Variants in NEB observed in about 807,000 individuals in gnomAD.
NEB encodes the protein nebulin, also known as nemaline myopathy type 2.
A neutral mutation model predicts 952.2 loss-of-function variants in NEB; 512 were observed. That is an observed-to-expected ratio of 0.54 (90% confidence interval 0.50 to 0.58). The LOEUF (loss-of-function observed/expected upper bound fraction) is 0.58. Ranked by LOEUF, NEB falls within the 20% of genes least tolerant of loss-of-function variation. The pLI is 0.00. For synonymous variants in NEB, 2,900 were observed against 3,149.8 expected (o/e 0.92, Z 2.66); for missense variants, 8,428 against 9,231.1 (o/e 0.91, Z 3.56).
At position 151,658,078 on chromosome 2, in the gene NEB, G is replaced by A. The variant is rs200251444; in HGVS notation, c.6088C>T (p.Leu2030Phe). The change falls in exon 48 of 182, where the codon CTT becomes TTT. Residue 2030 changes from leucine (L) to phenylalanine (F), a missense_variant. Physicochemically the swap from Leu to Phe is conservative, Grantham distance 22. This residue lies in a region of NEB where 2,851 missense variants were observed against 2,791.5 expected (regional missense o/e 1.02). Transcript: ENST00000397345. ...TTCTTTTTAGACTCTTCCAAGGAAA[G>A]TTTGTAGAGTTTCTGTAAAGAGAGG... ...AINMSDKLYK[L>F]SLEESKKKGY... 176 of 1,596,174 alleles carry A rather than the reference G, an allele frequency of 1.1e-4. No individual in the cohort carries two copies. The African/African-American group carries it at 2.1e-3, about 19-fold the overall frequency.
chr2:151,679,793 C>G lies in NEB; in HGVS notation c.3183G>C (p.Lys1061Asn), dbSNP rs2099401085. The change falls in exon 32 of 182, where the codon AAG becomes AAC. Residue 1061 changes from lysine to asparagine, a missense_variant. Lys to Asn is a moderately conservative substitution (Grantham distance 94). Around this residue, in one of 11 missense-constraint regions of NEB, gnomAD observed 2,851 missense variants for 2,791.5 expected, o/e 1.02. Coordinates refer to ENST00000397345, the MANE Select transcript of NEB (RefSeq NM_001164508.2). ...CATCAGTTCTCAGGTCATATCCCTT[C>G]TTGCTCAAGTCTTTCAAGTCTGCTT... The part of the protein sequence containing the change: ...MYKADLKDLS[K>N]KGYDLRTDAI... The G allele has an allele frequency of 2.5e-6, 4 of 1,613,802 alleles. No homozygotes were observed. The highest frequency in any genetic ancestry group is 2.2e-5 in the South Asian group (2 of 91,072).
At chr2:151,549,022 G>A (rs2095055057) in intron 130 of NEB, among the ~76,000 whole-genome samples, 1 of 152,158 alleles carries the variant, frequency 6.6e-6, no homozygotes, top group Admixed American at 6.5e-5. Context: ...TCCCCATGGG[G>A]TAAATGCATC....
rs1485072723 is a variant in NEB at position 151,617,484 on chromosome 2, A to T, written c.11077-16T>A. 7.1e-7 allele frequency: 1 copy of T among 1,411,348 alleles called. No individual in the cohort carries two copies. Among genetic ancestry groups the T allele is most frequent in the Non-Finnish European group, 9.5e-7 (1 of 1,048,036 alleles). 87.4% of individuals were successfully genotyped at this position (1,411,348 alleles called of 1,614,324 possible). On this transcript the variant is annotated splice_polypyrimidine_tract_variant and intron_variant, in intron 74 of 181. Coordinates refer to ENST00000397345, the MANE Select transcript of NEB (RefSeq NM_001164508.2). ...TATATAAGCGCTACAAAAAAAAAAA[A>T]AAAAGAGAGAGAGAGAGAGAAAAAT...
At chr2:151,646,344 GATATA>G (rs1287495423) in intron 54 of NEB, 110 bp from the exon 55 acceptor site, 1 of 816,242 alleles carries the variant, frequency 1.2e-6, no homozygotes, top group Non-Finnish European at 2.0e-6. Context: ...ATACAGAATT[GATATA>G]ATAAGCAGAC....
intron 46 of NEB, among the ~76,000 whole-genome samples, chr2:151,659,618 A>G (rs1282284550): frequency 2.6e-5 from 4 of 152,178 alleles, no homozygotes; most frequent in South Asian, 4.1e-4. Context: ...ATTTTAATGG[A>G]AAAGTTGCTT....
In NEB at chr2:151,519,032, G is replaced by A; in HGVS notation, c.22628C>T (p.Pro7543Leu). ...YKADLKKLHK[P>L]VTDMKESLIM... Reference sequence around the variant, plus strand: ...CAGAGACTCCTTCATGTCAGTCACGGGTTTGTGAAGTTTCTTCAGGTCAGC... The same window carrying A: ...CAGAGACTCCTTCATGTCAGTCACGAGTTTGTGAAGTTTCTTCAGGTCAGC... Residue 7543 changes from proline (P) to leucine (L), a missense_variant, in exon 155 of 182, where the codon CCC (proline) becomes CTC (leucine). Physicochemically the swap from Pro to Leu is moderately conservative, Grantham distance 98 (BLOSUM62 -3). This residue lies in a region of NEB where 3,374 missense variants were observed against 3,651.5 expected (regional missense o/e 0.92). Transcript: ENST00000397345. 6.2e-7 allele frequency: 1 copy of A among 1,613,678 alleles called. No homozygotes were observed. Among genetic ancestry groups the A allele is most frequent in the Non-Finnish European group, 8.5e-7 (1 of 1,179,670 alleles).
chr2:151,505,924 C>T (rs147504759), intron 164 of NEB: 36 of 569,246 alleles, frequency 6.3e-5, no homozygotes, highest in African/African-American at 3.2e-4. Context: ...TTGACTGTAC[C>T]GGATTCTACC....
At chr2:151,561,712 T>C (rs2096074495) in intron 121 of NEB, among the ~76,000 whole-genome samples, 1 of 151,992 alleles carries the variant, frequency 6.6e-6, no homozygotes, top group African/African-American at 2.4e-5. Context: ...AACTGCCCTA[T>C]CAGAGCTGAA....
At chr2:151,610,185 A>G (rs1579168702) in intron 80 of NEB, 65 bp from the exon 81 acceptor site, 2 of 1,333,024 alleles carry the variant, frequency 1.5e-6, no homozygotes, top group South Asian at 1.4e-5. Context: ...GCTGACAATT[A>G]CAGACAACAT....
intron 162 of NEB, among the ~76,000 whole-genome samples, chr2:151,507,536 G>A (rs1034493418): frequency 2.6e-5 from 4 of 152,152 alleles, no homozygotes; most frequent in African/African-American, 7.2e-5. Context: ...GAGATACTAG[G>A]AGAATCTGAA....
intron 124 of NEB, 70 bp from the exon 125 acceptor site, chr2:151,555,114 A>T: frequency 1.8e-6 from 2 of 1,132,700 alleles, no homozygotes; most frequent in Non-Finnish European, 2.6e-6. Context: ...AAAACAGCAT[A>T]AGACTTAATG....
At position 151,493,800 on chromosome 2, in the gene NEB, T is replaced by C; in HGVS notation, c.24647A>G (p.Lys8216Arg). The C allele has an allele frequency of 6.3e-7, 1 of 1,584,818 alleles. No individual in the cohort carries two copies. The highest frequency in any genetic ancestry group is 8.6e-7 in the Non-Finnish European group (1 of 1,163,330). The change falls in exon 175 of 182, where the codon AAA becomes AGA. Residue 8216 changes from lysine to arginine, a missense_variant. This residue lies in a region of NEB where 3,374 missense variants were observed against 3,651.5 expected (regional missense o/e 0.92). Coordinates refer to ENST00000397345, the MANE Select transcript of NEB (RefSeq NM_001164508.2). The stretch of plus-strand genomic sequence containing the variant: ...CGAGCTAAAGTTTTCTTGATTGCGT[T>C]TCACTCTTTCCATCTCAGGAGTAAA... ...TPFTPEMERV[K>R]RNQENFSSVL...
chr2:151,549,572 A>T, intron 130 of NEB, 64 bp downstream of exon 130: 1 of 1,028,838 alleles, frequency 9.7e-7, no homozygotes, highest in Non-Finnish European at 1.5e-6. Flanking sequence ...ACAGGCTATT[A>T]ATTAATATGA....
intron 65 of NEB, among the ~76,000 whole-genome samples, chr2:151,632,238 G>T (rs1451324270): frequency 1.3e-5 from 2 of 150,230 alleles, no homozygotes; most frequent in African/African-American, 4.9e-5. Context: ...TTGAATCTTT[G>T]TTTGGCTCAT....
chr2:151,643,923 G>A lies in NEB; in HGVS notation c.7851C>T (p.Thr2617=). ...TCTTGTAGTCCACGTCGCTGACTAA[G>A]GTCTGGCACTTCTTGGCCAACACCA... ...LGVVLAKKCQ[T]LVSDVDYKNY... The change falls in exon 57 of 182, where the codon ACC becomes ACT. Residue 2617 remains threonine, a synonymous_variant. Coordinates refer to ENST00000397345, the MANE Select transcript of NEB (RefSeq NM_001164508.2). 6.2e-7 allele frequency: 1 copy of A among 1,613,948 alleles called. No individual in the cohort carries two copies. The highest frequency in any genetic ancestry group is 1.1e-5 in the South Asian group (1 of 91,074).
In NEB at chr2:151,644,135, G is replaced by GA. The variant is rs1299254549; in HGVS notation, c.7645-7dup. On this transcript the variant is annotated splice_polypyrimidine_tract_variant and splice_region_variant and intron_variant, in intron 56 of 181. Transcript: ENST00000397345. ...AAGCCTTCCTTGTACTTGTACTAGA[G>GA]AAAAAAAATGTGTCTCATTCCTTTC... 5 of 1,606,146 alleles carry GA rather than the reference G, an allele frequency of 3.1e-6. No homozygotes were observed. The highest frequency in any genetic ancestry group is 4.3e-6 in the Non-Finnish European group (5 of 1,175,998).
chr2:151,595,111 G>A (rs1409236640), intron 92 of NEB, among the ~76,000 whole-genome samples: 2 of 123,088 alleles, frequency 1.6e-5, no homozygotes, highest in African/African-American at 3.6e-5. Flanking sequence ...GGTTATTAGA[G>A]GCAAAAATGA....
At chr2:151,646,331 A>G (rs2098957456) in intron 54 of NEB, 97 bp from the exon 55 acceptor site, 4 of 874,932 alleles carry the variant, frequency 4.6e-6, no homozygotes, top group Non-Finnish European at 7.3e-6. Flanking sequence ...TGAATTAAAC[A>G]TTATACAGAA....
rs181757132 is a variant in NEB at position 151,696,385 on chromosome 2, G to A, written c.1569+252C>T. On this transcript the variant is annotated intron_variant, in intron 17 of 181. Transcript: ENST00000397345. The stretch of plus-strand genomic sequence containing the variant: ...AGAGCTAACATTTGAATGCGGTTTT[G>A]TTTGACTCTAGAACTCATGTTCTTT... 3.6e-3 allele frequency among the ~76,000 whole-genome samples: 554 copies of A among 152,284 alleles called. 2 individuals carry two copies. Among genetic ancestry groups the A allele is most frequent in the Non-Finnish European group, 6.1e-3 (418 of 68,008 alleles).
Sources: gnomAD v4.1 joint callset for allele counts (sites outside exome capture counted in the v4.1 genomes callset) on GRCh38, gnomAD v4.1.1 for gene constraint, gnomAD v4.1.1 regional missense constraint, MANE v1.5 for transcripts, NCBI Gene and HGNC (gene_info 2026-07-23, HGNC 2026-07-21) for gene names.